RABGAP1L: variants seen among roughly 807,000 people sequenced by gnomAD.
RABGAP1L encodes the protein rab GTPase-activating protein 1-like.
A neutral mutation model predicts 137.7 loss-of-function variants in RABGAP1L; 63 were observed. That is an observed-to-expected ratio of 0.46 (90% CI 0.37 to 0.56). The LOEUF (loss-of-function observed/expected upper bound fraction) is 0.56, where lower values mean the gene tolerates loss of function less well. RABGAP1L is among the 20% of genes least tolerant of loss of function. The pLI, the probability that RABGAP1L is intolerant of heterozygous loss-of-function variation, is 0.00. For synonymous variants in RABGAP1L, 431 were observed against 433.7 expected (o/e 0.99, Z 0.08); for missense variants, 1,095 against 1,244.0 (o/e 0.88, Z 1.80).
intron 19 of RABGAP1L, among the ~76,000 whole-genome samples, chr1:174,851,890 T>G (rs1648424970): frequency 1.3e-5 from 2 of 152,180 alleles, no homozygotes; most frequent in South Asian, 4.1e-4. Context: ...GACCTGGATT[T>G]AAATGGTCAT....
chr1:174,742,600 G>A (rs1026748703), intron 17 of RABGAP1L, among the ~76,000 whole-genome samples: 14 of 152,134 alleles, frequency 9.2e-5, no homozygotes, highest in African/African-American at 3.1e-4. Context: ...ATGGAAAACT[G>A]GCAGAAGCCT....
At chr1:174,280,826 G>A (rs929520402) in intron 10 of RABGAP1L, among the ~76,000 whole-genome samples, 9 of 152,226 alleles carry the variant, frequency 5.9e-5, no homozygotes, top group Non-Finnish European at 1.2e-4. Context: ...CTGACTTCAA[G>A]AATGAAGCCG....
chr1:174,250,526 C>G lies in RABGAP1L; in HGVS notation c.769C>G (p.Gln257Glu). The change falls in exon 6 of 26, where the codon CAA (glutamine) becomes GAA (glutamate). Residue 257 changes from glutamine to glutamate, a missense_variant. Gln to Glu is a conservative substitution (Grantham distance 29, BLOSUM62 2). Transcript: ENST00000681986. ...FCTAFKRSSR[Q>E]VSDVKDSVIP... Reference sequence around the variant, plus strand: ...TACAGCATTCAAACGTTCTTCCAGACAAGTGTCTGATGTTAAAGACTCAGT... The same window carrying G: ...TACAGCATTCAAACGTTCTTCCAGAGAAGTGTCTGATGTTAAAGACTCAGT... 6.2e-7 allele frequency: 1 copy of G among 1,613,576 alleles called. No individual in the cohort carries two copies. The highest frequency in any genetic ancestry group is 8.5e-7 in the Non-Finnish European group (1 of 1,179,630).
chr1:174,420,624 C>T (rs1038048608), intron 13 of RABGAP1L, among the ~76,000 whole-genome samples: 1 of 150,304 alleles, frequency 6.7e-6, no homozygotes, highest in African/African-American at 2.5e-5. Flanking sequence ...CCTGATATGC[C>T]TTTTATGCTG....
chr1:174,516,742 A>G (rs1485175967), intron 13 of RABGAP1L, among the ~76,000 whole-genome samples: 1 of 152,038 alleles, frequency 6.6e-6, no homozygotes, highest in Non-Finnish European at 1.5e-5. Flanking sequence ...AGGTTTAATA[A>G]CTATTCCTAG....
chr1:174,308,344 GTTGA>G (rs1366975485), intron 11 of RABGAP1L, among the ~76,000 whole-genome samples: 2 of 151,946 alleles, frequency 1.3e-5, no homozygotes, highest in Middle Eastern at 3.2e-3. Context: ...CTTTCATACT[GTTGA>G]TTGTTTCCTT....
At chr1:174,964,947 A>C (rs751004457) in intron 20 of RABGAP1L, 1 of 1,506,396 alleles carries the variant, frequency 6.6e-7, no homozygotes, top group Non-Finnish European at 8.9e-7. Context: ...CTTTGTACCT[A>C]TGATTGAAAA....
intron 20 of RABGAP1L, among the ~76,000 whole-genome samples, chr1:174,960,962 T>G (rs1669036608): frequency 6.6e-6 from 1 of 152,194 alleles, no homozygotes; most frequent in Non-Finnish European, 1.5e-5. Flanking sequence ...TGCTACCTGG[T>G]CTTGGCATCA....
intron 16 of RABGAP1L, among the ~76,000 whole-genome samples, chr1:174,701,908 T>C (rs1679688500): frequency 6.6e-6 from 1 of 152,138 alleles, no homozygotes; most frequent in Non-Finnish European, 1.5e-5. Flanking sequence ...TTATAATAAG[T>C]CTGTTTTTAT....
chr1:174,690,884 G>A (rs1228860149), intron 15 of RABGAP1L, among the ~76,000 whole-genome samples: 3 of 145,382 alleles, frequency 2.1e-5, no homozygotes, highest in African/African-American at 7.7e-5. Flanking sequence ...CCAGGCTGGA[G>A]TACAGTGGCA....
chr1:174,643,531 A>G (rs1007262742), intron 14 of RABGAP1L, among the ~76,000 whole-genome samples: 16 of 152,154 alleles, frequency 1.1e-4, no homozygotes, highest in African/African-American at 3.9e-4. Flanking sequence ...CGGAACAGTG[A>G]ATTCTTTCAG....
intron 19 of RABGAP1L, among the ~76,000 whole-genome samples, chr1:174,839,311 G>A (rs80213458): frequency 0.022 from 3,299 of 152,098 alleles, 53 homozygotes; most frequent in Middle Eastern, 0.082. Flanking sequence ...CCTTACAATA[G>A]CTGTTCCCAG....
chr1:174,719,164 C>T (rs1348563201), intron 17 of RABGAP1L, among the ~76,000 whole-genome samples: 1 of 152,162 alleles, frequency 6.6e-6, no homozygotes, highest in South Asian at 2.1e-4. Context: ...TTTCTGAGGC[C>T]TTCTTTATAC....
At chr1:174,973,979 G>GTTTTGTTTTTTT (rs1670403363) in intron 21 of RABGAP1L, among the ~76,000 whole-genome samples, 1 of 85,788 alleles carries the variant, frequency 1.2e-5, no homozygotes, top group Non-Finnish European at 2.5e-5. Flanking sequence ...ATTGTTTTTT[G>GTTTTGTTTTTTT]TTTTTTTTTT....
At chr1:174,915,424 T>G (rs1232236773) in intron 19 of RABGAP1L, among the ~76,000 whole-genome samples, 1 of 152,056 alleles carries the variant, frequency 6.6e-6, no homozygotes, top group Non-Finnish European at 1.5e-5. Flanking sequence ...CCTTTATATA[T>G]TTTCTTTGGT....
At chr1:174,923,903 GAA>G (rs1054894778) in intron 19 of RABGAP1L, among the ~76,000 whole-genome samples, 1 of 148,450 alleles carries the variant, frequency 6.7e-6, no homozygotes, top group East Asian at 2.0e-4. Context: ...AAAGAAAAAA[GAA>G]AAAGTCGGTT....
intron 13 of RABGAP1L, among the ~76,000 whole-genome samples, chr1:174,435,535 CTTGAT>C (rs1327666270): frequency 6.6e-6 from 1 of 151,832 alleles, no homozygotes; most frequent in Non-Finnish European, 1.5e-5. Context: ...TTCCTTTTTC[CTTGAT>C]TTGTTTTAGA....
At chr1:174,799,758 G>T in intron 18 of RABGAP1L, 11 of 783,282 alleles carry the variant, frequency 1.4e-5, no homozygotes, top group Non-Finnish European at 1.7e-5. Context: ...CACAGCGAGA[G>T]GCAGCAGCAG....
chr1:174,311,989 T>G (rs1428354017), intron 11 of RABGAP1L, among the ~76,000 whole-genome samples: 1 of 152,234 alleles, frequency 6.6e-6, no homozygotes, highest in Non-Finnish European at 1.5e-5. Context: ...TATCCATTTA[T>G]CTGTTGATGG....
Sources: gnomAD v4.1 joint callset for allele counts (sites outside exome capture counted in the v4.1 genomes callset) on GRCh38, gnomAD v4.1.1 for gene constraint, MANE v1.5 for transcripts, NCBI Gene and HGNC (gene_info 2026-07-23, HGNC 2026-07-21) for gene names.